The following AGGF1 variants were observed in gnomAD, a reference collection of about 807,000 sequenced individuals.
AGGF1 encodes angiogenic factor with G patch and FHA domains 1.
In AGGF1, 56 loss-of-function variants were observed where a neutral mutation model predicts 86.5. That is an observed-to-expected ratio of 0.65 (90% confidence interval 0.52 to 0.81). AGGF1 has a LOEUF of 0.81. Among genes scored for constraint, AGGF1 ranks in the 30% least tolerant of loss-of-function variants. AGGF1 has a pLI of 0.00. For synonymous variants in AGGF1, 313 were observed against 297.1 expected (o/e 1.05, Z -0.55); for missense variants, 816 against 850.9 (o/e 0.96, Z 0.51).
intron 11 of AGGF1, among the ~76,000 whole-genome samples, chr5:77,056,226 C>CTTTTTTT (rs770417117): frequency 9.6e-6 from 1 of 104,518 alleles, no homozygotes; most frequent in Non-Finnish European, 1.8e-5. Flanking sequence ...AAAGAGTGGT[C>CTTTTTTT]TTTTTTTTTT....
intron 1 of AGGF1, among the ~76,000 whole-genome samples, chr5:77,033,107 A>G (rs1746902003): frequency 6.6e-6 from 1 of 152,208 alleles, no homozygotes; most frequent in African/African-American, 2.4e-5. Flanking sequence ...TCTTGACTCT[A>G]CTTTGAATAG....
rs779413629 is a variant in AGGF1, at chr5:77,046,542, T to C, written c.1066T>C (p.Phe356Leu). 1.9e-6 allele frequency: 3 copies of C among 1,613,832 alleles called. No homozygotes were observed. Among genetic ancestry groups the C allele is most frequent in the Admixed American group, 1.7e-5 (1 of 59,992 alleles). Residue 356 changes from phenylalanine to leucine, a missense_variant, in exon 6 of 14, where the codon TTT (phenylalanine) becomes CTT (leucine). Physicochemically the swap from Phe to Leu is conservative, Grantham distance 22 (BLOSUM62 0). Transcript: ENST00000312916. ...TGAAAACATCTCTAATTCAACATCA[T>C]TTAAAGATGAGAAAATCATGGAGAC... ...LHENISNSTSFKDEKIMETDS... is the reference protein window; with the variant it reads ...LHENISNSTSLKDEKIMETDS...
intron 13 of AGGF1, among the ~76,000 whole-genome samples, 160 bp downstream of exon 13, chr5:77,061,962 T>C (rs965266741): frequency 1.3e-5 from 2 of 152,256 alleles, no homozygotes; most frequent in Admixed American, 6.5e-5. Flanking sequence ...AATATATACA[T>C]GTGCTTTGTT....
intron 3 of AGGF1, 191 bp downstream of exon 3, chr5:77,035,934 T>TA: frequency 3.4e-6 from 2 of 584,902 alleles, no homozygotes; most frequent in Non-Finnish European, 5.9e-6. Context: ...ATATATGTAG[T>TA]GGTTTTCCTA....
At chr5:77,042,142 T>C (rs1747101600) in intron 5 of AGGF1, among the ~76,000 whole-genome samples, 1 of 151,934 alleles carries the variant, frequency 6.6e-6, no homozygotes, top group African/African-American at 2.4e-5. Flanking sequence ...AGGTCACAGA[T>C]CAACAGGATC....
At chr5:77,032,451 C>A (rs1746884635) in intron 1 of AGGF1, among the ~76,000 whole-genome samples, 1 of 151,364 alleles carries the variant, frequency 6.6e-6, no homozygotes, top group African/African-American at 2.4e-5. Flanking sequence ...CGCCTGTAGT[C>A]CCAGCTACAG....
chr5:77,050,701 TGA>T (rs1417400458), intron 8 of AGGF1, among the ~76,000 whole-genome samples: 63 of 152,224 alleles, frequency 4.1e-4, no homozygotes, highest in African/African-American at 1.4e-3. Context: ...AAGGACAAAA[TGA>T]TCTTGCTCTT....
chr5:77,059,124 T>C (rs1360154037), intron 11 of AGGF1, among the ~76,000 whole-genome samples: 1 of 151,478 alleles, frequency 6.6e-6, no homozygotes, highest in Admixed American at 6.6e-5. Flanking sequence ...TAGATTTTTT[T>C]CCCCCCAAAC....
chr5:77,044,815 T>C (rs1367653718), intron 5 of AGGF1, among the ~76,000 whole-genome samples: 2 of 152,154 alleles, frequency 1.3e-5, no homozygotes, highest in Non-Finnish European at 2.9e-5. Flanking sequence ...TACGCTGTTA[T>C]CAAAGATAGG....
chr5:77,043,564 A>C (rs1452160453), intron 5 of AGGF1, among the ~76,000 whole-genome samples: 5 of 78,710 alleles, frequency 6.4e-5, no homozygotes, highest in African/African-American at 1.4e-4. Flanking sequence ...CCCGGACGGC[A>C]CGGCTGGCCA....
In AGGF1 at chr5:77,059,690, G is replaced by T; in HGVS notation, c.1791G>T (p.Gln597His). The part of the protein sequence containing the change: ...YKDRAGKRRE[Q>H]VGSEGTFQRD... Reference sequence around the variant, plus strand: ...ATAGAGCTGGAAAACGTAGGGAGCAGGTTGGAAGTGAAGGAACTTTCCAAA... The same window carrying T: ...ATAGAGCTGGAAAACGTAGGGAGCATGTTGGAAGTGAAGGAACTTTCCAAA... Residue 597 changes from glutamine (Q) to histidine (H), a missense_variant, in exon 12 of 14, where the codon CAG (glutamine) becomes CAT (histidine). Transcript: ENST00000312916. The T allele has an allele frequency of 6.2e-7, 1 of 1,613,840 alleles. No individual in the cohort carries two copies. Among genetic ancestry groups the T allele is most frequent in the Non-Finnish European group, 8.5e-7 (1 of 1,179,770 alleles).
intron 2 of AGGF1, 35 bp from the exon 3 acceptor site, chr5:77,035,506 A>G: frequency 6.6e-7 from 1 of 1,507,548 alleles, no homozygotes; most frequent in Non-Finnish European, 9.2e-7. Flanking sequence ...CATTATTCTA[A>G]TATGATACGA....
At chr5:77,031,903 CAAAAT>C (rs990064573) in intron 1 of AGGF1, among the ~76,000 whole-genome samples, 2 of 151,920 alleles carry the variant, frequency 1.3e-5, no homozygotes, top group South Asian at 2.1e-4. Context: ...AACTCTGTCT[CAAAAT>C]AAAAACCAAA....
Position 77,030,866 on chromosome 5 carries a change from C to T in AGGF1, c.100C>T (p.Arg34Cys), listed in dbSNP as rs1746833432. ...QLRRKVEKLE[R>C]ELRSCKRQVR... ...AAGGCGGAAGGTGGAGAAGTTGGAACGTGAACTGCGGAGCTGCAAGCGGCA... is the reference window on the plus strand; with the variant it reads ...AAGGCGGAAGGTGGAGAAGTTGGAATGTGAACTGCGGAGCTGCAAGCGGCA... The change falls in exon 1 of 14, where the codon CGT (arginine) becomes TGT (cysteine). Residue 34 changes from arginine to cysteine, a missense_variant. Coordinates refer to ENST00000312916, the MANE Select transcript of AGGF1 (RefSeq NM_018046.5). 4 of 1,613,316 alleles carry T rather than the reference C, an allele frequency of 2.5e-6. No individual in the cohort carries two copies. The East Asian group carries it at 6.7e-5, about 27-fold the overall frequency.
intron 11 of AGGF1, 73 bp downstream of exon 11, chr5:77,055,669 C>A: frequency 9.8e-7 from 1 of 1,023,748 alleles, no homozygotes; most frequent in Non-Finnish European, 1.5e-6. Flanking sequence ...TTTAAATATG[C>A]TCAGTACATT....
intron 11 of AGGF1, among the ~76,000 whole-genome samples, chr5:77,057,824 C>G (rs1747486796): frequency 6.6e-6 from 1 of 152,194 alleles, no homozygotes; most frequent in African/African-American, 2.4e-5. Flanking sequence ...ATCCTGTTTC[C>G]AGGTGGGGAC....
chr5:77,051,401 C>G (rs1747371224), intron 8 of AGGF1, among the ~76,000 whole-genome samples: 1 of 150,998 alleles, frequency 6.6e-6, no homozygotes, highest in African/African-American at 2.4e-5. Flanking sequence ...CCACTGCACT[C>G]CGGCCTGGGC....
rs1226525881 is a variant in AGGF1 at position 77,035,629 on chromosome 5, T to G, written c.402T>G (p.Thr134=). The G allele has an allele frequency of 1.2e-6, 2 of 1,613,570 alleles. No homozygotes were observed. The highest frequency in any genetic ancestry group is 1.7e-5 in the Admixed American group (1 of 60,010). Residue 134 remains threonine (T), a synonymous_variant, in exon 3 of 14, where the codon ACT becomes ACG. Coordinates refer to ENST00000312916, the MANE Select transcript of AGGF1 (RefSeq NM_018046.5). ...ATCAACAAGATCAAGCTATCGAAAC[T>G]TCTATTTTGAATTCTAAAGACCATT... ...LSDQQDQAIE[T]SILNSKDHLQ...
intron 11 of AGGF1, among the ~76,000 whole-genome samples, chr5:77,058,231 A>G (rs1490526992): frequency 6.6e-6 from 1 of 152,198 alleles, no homozygotes; most frequent in Non-Finnish European, 1.5e-5. Context: ...TTTTTAAAAA[A>G]GTTACCACTT....
Sources: gnomAD v4.1 joint callset for allele counts (sites outside exome capture counted in the v4.1 genomes callset) on GRCh38, gnomAD v4.1.1 for gene constraint, MANE v1.5 for transcripts, NCBI Gene and HGNC (gene_info 2026-07-23, HGNC 2026-07-21) for gene names.